Variants in TP63 observed in about 807,000 individuals in gnomAD.
TP63 encodes tumor protein p63, also known as tumor protein 63.
In TP63, 17 loss-of-function variants were observed where a neutral mutation model predicts 82.8. The observed-to-expected ratio is 0.21, with a 90% CI of 0.14 to 0.31. The LOEUF (loss-of-function observed/expected upper bound fraction) is 0.31, where lower values mean the gene tolerates loss of function less well. Ranked by LOEUF, TP63 falls within the 10% of genes least tolerant of loss-of-function variation. The pLI is 1.00. For synonymous variants in TP63, 330 were observed against 321.7 expected (o/e 1.03, Z -0.28); for missense variants, 648 against 895.3 (o/e 0.72, Z 3.52).
chr3:189,656,279 GTGT>G (rs1435846096), intron 1 of TP63, among the ~76,000 whole-genome samples: 3 of 152,224 alleles, frequency 2.0e-5, no homozygotes, highest in Non-Finnish European at 2.9e-5. Flanking sequence ...AGATAGTGTA[GTGT>G]TATTTGGAGA....
chr3:189,836,792 T>C (rs1308817578), intron 4 of TP63, among the ~76,000 whole-genome samples: 1 of 152,230 alleles, frequency 6.6e-6, no homozygotes, highest in Non-Finnish European at 1.5e-5. Context: ...TGTTGGTGAC[T>C]GCATGATGAC....
At chr3:189,754,347 A>G (rs1221339606) in intron 3 of TP63, among the ~76,000 whole-genome samples, 2 of 152,136 alleles carry the variant, frequency 1.3e-5, no homozygotes, top group African/African-American at 4.8e-5. Flanking sequence ...ATATAACTCA[A>G]TTTGAACAAA....
intron 3 of TP63, among the ~76,000 whole-genome samples, chr3:189,783,833 T>C (rs905251485): frequency 1.3e-5 from 2 of 151,950 alleles, no homozygotes; most frequent in African/African-American, 4.8e-5. Context: ...GTAGTTAGCC[T>C]CATTCAAATG....
At chr3:189,854,089 A>G (rs1049918049) in intron 4 of TP63, among the ~76,000 whole-genome samples, 4 of 152,226 alleles carry the variant, frequency 2.6e-5, no homozygotes, top group Non-Finnish European at 5.9e-5. Context: ...ATAAGGACCT[A>G]GCATTGTGCA....
intron 3 of TP63, among the ~76,000 whole-genome samples, chr3:189,793,913 C>A (rs1199729876): frequency 2.0e-5 from 3 of 152,012 alleles, no homozygotes; most frequent in Admixed American, 6.6e-5. Context: ...TTTAGTGGAA[C>A]CTACAAATGG....
intron 4 of TP63, among the ~76,000 whole-genome samples, chr3:189,836,568 A>G (rs970350067): frequency 1.3e-5 from 2 of 152,162 alleles, no homozygotes; most frequent in South Asian, 2.1e-4. Flanking sequence ...ACTTGGTACT[A>G]TCCTGCTAAT....
chr3:189,666,752 TCTC>T (rs1309107889), intron 1 of TP63, among the ~76,000 whole-genome samples: 1 of 152,106 alleles, frequency 6.6e-6, no homozygotes, highest in Non-Finnish European at 1.5e-5. Context: ...AGTAATTCAT[TCTC>T]CTAAATTCAA....
chr3:189,599,391 A>G, the TP63 span, among the ~76,000 whole-genome samples: 2 of 152,294 alleles, frequency 1.3e-5, no homozygotes, highest in Middle Eastern at 3.4e-3. Flanking sequence ...CCCATAATGT[A>G]TCATGGCTTT....
At chr3:189,611,112 T>C in the TP63 span, among the ~76,000 whole-genome samples, 1 of 152,236 alleles carries the variant, frequency 6.6e-6, no homozygotes, top group Non-Finnish European at 1.5e-5. Context: ...ACTCTATTGA[T>C]AGTTTCTTTT....
chr3:189,695,748 C>T (rs1409450258), intron 1 of TP63, among the ~76,000 whole-genome samples: 2 of 152,202 alleles, frequency 1.3e-5, no homozygotes, highest in Non-Finnish European at 2.9e-5. Flanking sequence ...ACCTCGCTCT[C>T]ATACACGCAT....
the TP63 span, among the ~76,000 whole-genome samples, chr3:189,625,058 A>G: frequency 2.0e-5 from 3 of 152,216 alleles, no homozygotes; most frequent in Admixed American, 2.0e-4. Context: ...TGATGAAAGG[A>G]GTATTGGAGT....
At chr3:189,616,520 C>T in the TP63 span, among the ~76,000 whole-genome samples, 1 of 152,196 alleles carries the variant, frequency 6.6e-6, no homozygotes, top group Non-Finnish European at 1.5e-5. Flanking sequence ...ACCTTTTCTA[C>T]CTCCTTCATC....
chr3:189,606,513 T>A, the TP63 span, among the ~76,000 whole-genome samples: 1 of 140,322 alleles, frequency 7.1e-6, no homozygotes, highest in Non-Finnish European at 1.5e-5. Flanking sequence ...CCATTTTTTT[T>A]TTTTTTTTTT....
At chr3:189,650,927 G>A (rs1186444990) in intron 1 of TP63, among the ~76,000 whole-genome samples, 1 of 147,102 alleles carries the variant, frequency 6.8e-6, no homozygotes, top group Non-Finnish European at 1.5e-5. Flanking sequence ...ACAGGAAGAT[G>A]TGGGAAGGTT....
chr3:189,894,876 G>A lies in TP63; in HGVS notation c.*374G>A, dbSNP rs1721356604. 4 of 233,582 alleles carry A rather than the reference G, an allele frequency of 1.7e-5. No homozygotes were observed. The highest frequency in any genetic ancestry group is 3.4e-5 in the Non-Finnish European group (4 of 117,828). 14.5% of individuals were successfully genotyped at this position (233,582 alleles called of 1,614,324 possible). A position where few individuals can be genotyped will look rare whatever the true frequency, so the allele number is the denominator to read the frequency against. ...TATACAGTATAGATTTTTGGGTGGG[G>A]GGCATTGAGTATTGTTTAAAATGTA... On this transcript the variant is annotated 3_prime_UTR_variant, in exon 14 of 14. Transcript: ENST00000264731.
intron 4 of TP63, among the ~76,000 whole-genome samples, chr3:189,863,482 CCTCT>C (rs1262708832): frequency 6.6e-6 from 1 of 152,142 alleles, no homozygotes; most frequent in Non-Finnish European, 1.5e-5. Flanking sequence ...CACTAAACTT[CCTCT>C]CCCTGGAGAA....
intron 10 of TP63, chr3:189,881,178 A>T (rs1378394219): frequency 1.0e-6 from 1 of 980,398 alleles, no homozygotes; most frequent in Admixed American, 6.3e-5. Context: ...TAGCCAGGAG[A>T]CTTACGTTTT....
chr3:189,864,211 A>G (rs1320963265), intron 4 of TP63, 21 bp from the exon 5 acceptor site: 1 of 1,613,966 alleles, frequency 6.2e-7, no homozygotes, highest in East Asian at 2.2e-5. Context: ...TCCTTTCTCC[A>G]CTGGCCCCAA....
At chr3:189,642,534 A>G (rs956902049) in intron 1 of TP63, among the ~76,000 whole-genome samples, 2 of 151,852 alleles carry the variant, frequency 1.3e-5, no homozygotes, top group African/African-American at 4.8e-5. Flanking sequence ...TCCTAACTTA[A>G]TCTATATGTC....
Sources: gnomAD v4.1 joint callset for allele counts (sites outside exome capture counted in the v4.1 genomes callset) on GRCh38, gnomAD v4.1.1 for gene constraint, MANE v1.5 for transcripts, NCBI Gene and HGNC (gene_info 2026-07-23, HGNC 2026-07-21) for gene names.